The following PLXNA4 variants were observed in gnomAD, a reference collection of about 807,000 sequenced individuals.
PLXNA4 encodes plexin A4.
A neutral mutation model predicts 191.8 loss-of-function variants in PLXNA4; 44 were observed. The ratio of observed to expected loss-of-function variants is 0.23; its 90% CI spans 0.18 to 0.29. PLXNA4 has a LOEUF of 0.29. PLXNA4 is among the 10% of genes least tolerant of loss of function. The pLI is 1.00. For synonymous variants in PLXNA4, 1,082 were observed against 1,009.5 expected (o/e 1.07, Z -1.36); for missense variants, 1,800 against 2,488.8 (o/e 0.72, Z 5.89).
At chr7:132,457,948 A>G (rs778353998) in intron 3 of PLXNA4, among the ~76,000 whole-genome samples, 2 of 152,216 alleles carry the variant, frequency 1.3e-5, no homozygotes, top group Non-Finnish European at 2.9e-5. Flanking sequence ...GTTTCAGGCC[A>G]GTGAATCCTA....
intron 1 of PLXNA4, among the ~76,000 whole-genome samples, chr7:132,647,808 AC>A (rs1803908683): frequency 1.3e-5 from 2 of 151,978 alleles, no homozygotes; most frequent in Admixed American, 1.3e-4. Context: ...ACAGTCACAC[AC>A]ATACACATAC....
chr7:132,451,207 G>A (rs892908305), intron 3 of PLXNA4, among the ~76,000 whole-genome samples: 2 of 152,180 alleles, frequency 1.3e-5, no homozygotes, highest in African/African-American at 4.8e-5. Context: ...CCTCATCCAC[G>A]CTGGTCCAGA....
At chr7:132,164,398 T>C in intron 23 of PLXNA4, 110 bp from the exon 24 acceptor site, 1 of 1,449,686 alleles carries the variant, frequency 6.9e-7, no homozygotes. Flanking sequence ...TCCCTGCACC[T>C]GCCCCCACCT....
chr7:132,374,126 C>T (rs1804561229), intron 3 of PLXNA4, among the ~76,000 whole-genome samples: 1 of 152,130 alleles, frequency 6.6e-6, no homozygotes, highest in South Asian at 2.1e-4. Flanking sequence ...CCGTTCATTC[C>T]CATTTGGACA....
At chr7:132,347,825 T>C (rs1462113302) in intron 3 of PLXNA4, among the ~76,000 whole-genome samples, 1 of 152,200 alleles carries the variant, frequency 6.6e-6, no homozygotes, top group Non-Finnish European at 1.5e-5. Flanking sequence ...CACTTTCTCC[T>C]TCTCCCCTTT....
At chr7:132,153,390 A>T (rs1470575438) in intron 25 of PLXNA4, among the ~76,000 whole-genome samples, 4 of 152,032 alleles carry the variant, frequency 2.6e-5, no homozygotes, top group Non-Finnish European at 5.9e-5. Flanking sequence ...TAAGGAGAGG[A>T]GAGCATTATT....
chr7:132,422,167 G>A (rs1172444003), intron 3 of PLXNA4, among the ~76,000 whole-genome samples: 11 of 152,180 alleles, frequency 7.2e-5, no homozygotes, highest in South Asian at 6.2e-4. Flanking sequence ...GAAAACAAGG[G>A]TGAACATGTG....
intron 3 of PLXNA4, among the ~76,000 whole-genome samples, chr7:132,332,974 C>G (rs1403505222): frequency 6.6e-6 from 1 of 152,170 alleles, no homozygotes; most frequent in Admixed American, 6.5e-5. Flanking sequence ...CTCACTCTCT[C>G]TCTTACTCTT....
At chr7:132,593,878 T>C (rs1325779479) in intron 2 of PLXNA4, among the ~76,000 whole-genome samples, 2 of 152,242 alleles carry the variant, frequency 1.3e-5, no homozygotes, top group Non-Finnish European at 1.5e-5. Context: ...AAGCGGTTCC[T>C]ATGCTAGGGC....
intron 3 of PLXNA4, among the ~76,000 whole-genome samples, chr7:132,312,279 C>T (rs1314322324): frequency 2.6e-5 from 4 of 152,004 alleles, no homozygotes; most frequent in Admixed American, 6.6e-5. Flanking sequence ...CGTCACTGGC[C>T]ACAGTTATTA....
intron 1 of PLXNA4, among the ~76,000 whole-genome samples, chr7:132,554,875 T>C (rs1215628246): frequency 6.6e-6 from 1 of 152,114 alleles, no homozygotes; most frequent in Non-Finnish European, 1.5e-5. Flanking sequence ...GCTTTCTGAC[T>C]TCGTTGCAGG....
chr7:132,576,358 T>C lies in PLXNA4; in HGVS notation c.-87+64A>G. ...CTGAGGACTCCCGGGTCGGCCCAGGTCTGTCCGACCTTGCTGCCCTCGCCG... is the reference window on the plus strand; with the variant it reads ...CTGAGGACTCCCGGGTCGGCCCAGGCCTGTCCGACCTTGCTGCCCTCGCCG... On this transcript the variant is annotated intron_variant, in intron 1 of 31. Coordinates refer to ENST00000321063, the MANE Select transcript of PLXNA4 (RefSeq NM_020911.2). This position sits in a 1 kb window ranked among gnomAD's most constrained non-coding sequence, Gnocchi z 5.8. The C allele has an allele frequency of 1.0e-6, 1 of 983,904 alleles. No individual in the cohort carries two copies. Among genetic ancestry groups the C allele is most frequent in the Non-Finnish European group, 1.2e-6 (1 of 828,554 alleles). 60.9% of individuals were successfully genotyped at this position (983,904 alleles called of 1,614,324 possible).
chr7:132,233,105 G>A (rs1798578741), intron 5 of PLXNA4, among the ~76,000 whole-genome samples: 1 of 152,122 alleles, frequency 6.6e-6, no homozygotes, highest in Admixed American at 6.5e-5. Context: ...AAAGAAAGGG[G>A]GTAAGGATGA....
chr7:132,159,444 G>C, intron 25 of PLXNA4, 29 bp downstream of exon 25: 1 of 1,611,720 alleles, frequency 6.2e-7, no homozygotes, highest in Middle Eastern at 1.7e-4. Context: ...CAGCCACAAG[G>C]ACAGCCCCTG....
intron 4 of PLXNA4, among the ~76,000 whole-genome samples, chr7:132,289,647 C>T (rs760311757): frequency 1.6e-4 from 24 of 152,012 alleles, no homozygotes; most frequent in Non-Finnish European, 3.1e-4. Context: ...ATCCCTCTGC[C>T]TCAGCCTCCT....
At chr7:132,546,227 A>T (rs1402938979) in intron 1 of PLXNA4, among the ~76,000 whole-genome samples, 1 of 152,196 alleles carries the variant, frequency 6.6e-6, no homozygotes, top group Non-Finnish European at 1.5e-5. Flanking sequence ...ACTGCAGAAA[A>T]AGGGCTAGGA....
At chr7:132,140,023 C>T (rs903474886) in intron 30 of PLXNA4, among the ~76,000 whole-genome samples, 16 of 152,286 alleles carry the variant, frequency 1.1e-4, no homozygotes, top group African/African-American at 3.9e-4. Flanking sequence ...ATAGGGGGAC[C>T]TTCAGTCACG....
intron 2 of PLXNA4, among the ~76,000 whole-genome samples, chr7:132,504,436 G>T (rs562656386): frequency 6.6e-6 from 1 of 152,298 alleles, no homozygotes; most frequent in South Asian, 2.1e-4. Flanking sequence ...AGTTCAGGGG[G>T]AAGAATGTGG....
intron 1 of PLXNA4, among the ~76,000 whole-genome samples, chr7:132,554,822 T>C (rs1416332741): frequency 2.0e-5 from 3 of 152,142 alleles, no homozygotes; most frequent in East Asian, 3.9e-4. Context: ...GCAAACACCA[T>C]GTACACTGAA....
Sources: allele counts gnomAD v4.1 joint callset (sites outside exome capture counted in the v4.1 genomes callset), GRCh38; gene constraint gnomAD v4.1.1; non-coding constraint Gnocchi (gnomAD v3.1); transcripts MANE v1.5; gene names NCBI Gene and HGNC (gene_info 2026-07-23, HGNC 2026-07-21).